Variants in GANC observed in about 807,000 individuals in gnomAD.
GANC encodes glucosidase alpha, neutral C.
A neutral mutation model predicts 124.2 loss-of-function variants in GANC; 117 were observed. The ratio of observed to expected loss-of-function variants is 0.94; its 90% CI spans 0.81 to 1.10. The LOEUF is 1.10. Ranked by LOEUF, GANC falls within the 50% of genes least tolerant of loss-of-function variation. The pLI, the probability that GANC is intolerant of heterozygous loss-of-function variation, is 0.00. For synonymous variants in GANC, 377 were observed against 376.8 expected, an observed-to-expected ratio of 1.00 and a Z score of -0.01; for missense variants, 1,140 against 1,095.0, an observed-to-expected ratio of 1.04 and a Z score of -0.58.
intron 4 of GANC, 34 bp downstream of exon 4, chr15:42,287,852 C>T (rs1279038213): frequency 1.9e-6 from 3 of 1,585,982 alleles, no homozygotes; most frequent in Non-Finnish European, 1.7e-6. Context: ...TAGAGACACG[C>T]TTGATATATT....
chr15:42,310,304 T>C lies in GANC; in HGVS notation c.744T>C (p.Leu248=). The change falls in exon 9 of 24, where the codon CTT becomes CTC. Residue 248 remains leucine (L), a synonymous_variant. Transcript: ENST00000318010. The part of the protein sequence containing the change: ...KNTGDGDAYR[L]YNLDVYGYQI... The stretch of plus-strand genomic sequence containing the variant: ...TCAGTGATGGAGATGCTTACCGTCT[T>C]TATAACCTGGATGTCTATGGATACC... The C allele has an allele frequency of 6.2e-7, 1 of 1,607,318 alleles. No homozygotes were observed. The highest frequency in any genetic ancestry group is 8.5e-7 in the Non-Finnish European group (1 of 1,176,322).
intron 10 of GANC, 92 bp from the exon 11 acceptor site, chr15:42,321,693 C>A: frequency 9.1e-7 from 1 of 1,094,734 alleles, no homozygotes. Flanking sequence ...AAGCTCAGTG[C>A]TGAATACTCT....
intron 10 of GANC, among the ~76,000 whole-genome samples, chr15:42,315,338 A>T (rs4924665): frequency 0.91 from 138,487 of 152,226 alleles, 64,356 homozygotes; most frequent in Non-Finnish European, 1. Context: ...CAAAGGATTT[A>T]AAGAGATAGT....
chr15:42,327,188 T>C (rs185229904), intron 12 of GANC, among the ~76,000 whole-genome samples, 175 bp from the exon 13 acceptor site: 91 of 152,374 alleles, frequency 6.0e-4, no homozygotes, highest in African/African-American at 2.0e-3. Flanking sequence ...TGATTGTCAC[T>C]GGAGCCCAGC....
intron 4 of GANC, among the ~76,000 whole-genome samples, chr15:42,291,110 C>T (rs1281586581): frequency 2.6e-5 from 4 of 151,876 alleles, no homozygotes; most frequent in Non-Finnish European, 4.4e-5. Flanking sequence ...CAGTCAAACC[C>T]GGGGGAGAAG....
Position 42,287,710 on chromosome 15 carries a change from T to C in GANC, c.221T>C (p.Ile74Thr). ...TTCCAGGTTCCTCTCCTGGCTGAAA[T>C]TTATGGTATAGAAGGAAACATTTTC... The part of the protein sequence containing the change: ...EASKVPLLAE[I>T]YGIEGNIFRL... The change falls in exon 4 of 24, where the codon ATT becomes ACT. Residue 74 changes from isoleucine to threonine, a missense_variant. Transcript: ENST00000318010. The C allele has an allele frequency of 6.2e-7, 1 of 1,611,838 alleles. No individual in the cohort carries two copies. Among genetic ancestry groups the C allele is most frequent in the Non-Finnish European group, 8.5e-7 (1 of 1,179,160 alleles).
intron 6 of GANC, among the ~76,000 whole-genome samples, chr15:42,302,300 G>A (rs760959327): frequency 6.6e-6 from 1 of 152,220 alleles, no homozygotes; most frequent in Non-Finnish European, 1.5e-5. Flanking sequence ...GAAAGGAATA[G>A]CATCAACATC....
At chr15:42,302,310 C>T (rs2051952985) in intron 6 of GANC, among the ~76,000 whole-genome samples, 1 of 152,152 alleles carries the variant, frequency 6.6e-6, no homozygotes, top group Admixed American at 6.5e-5. Context: ...GCATCAACAT[C>T]AACAAAAAGG....
chr15:42,273,283 CG>C lies in GANC; in HGVS notation c.-1197del. 6.2e-7 allele frequency: 1 copy of C among 1,614,098 alleles called. No homozygotes were observed. Among genetic ancestry groups the C allele is most frequent in the South Asian group, 1.1e-5 (1 of 91,074 alleles). ...CGGTATCGGAATGTGCCATTTGGACCGGTCGGCAGCAGCTACGGTTGCCGGT... is the reference window on the plus strand; with the variant it reads ...CGGTATCGGAATGTGCCATTTGGACCGTCGGCAGCAGCTACGGTTGCCGGT... On this transcript the variant is annotated 5_prime_UTR_variant, in exon 1 of 24. It introduces an in-frame stop codon into an upstream open reading frame of the 5' UTR. Transcript: ENST00000318010.
At chr15:42,313,800 G>T (rs1477223845) in intron 10 of GANC, 10 of 474,238 alleles carry the variant, frequency 2.1e-5, no homozygotes, top group Non-Finnish European at 3.4e-5. Context: ...GGGCACAGTG[G>T]CTCACGCCTG....
rs747324489 is a variant in GANC, at chr15:42,352,027, T to C, written c.2636-3T>C. On this transcript the variant is annotated splice_region_variant and splice_polypyrimidine_tract_variant and intron_variant, in intron 23 of 23. Transcript: ENST00000318010. ...TTCCCTCTTTTATTGTCTTGCTATT[T>C]AGATGGTAAAGATCAGCCTGTGGCT... The C allele has an allele frequency of 6.2e-7, 1 of 1,614,090 alleles. No individual in the cohort carries two copies. The highest frequency in any genetic ancestry group is 8.5e-7 in the Non-Finnish European group (1 of 1,179,964).
Position 42,352,798 on chromosome 15 carries a change from C to T in GANC, c.*659C>T. 3.7e-6 allele frequency: 3 copies of T among 815,970 alleles called. No homozygotes were observed. The highest frequency in any genetic ancestry group is 4.4e-6 in the Non-Finnish European group (3 of 675,496). 50.5% of individuals were successfully genotyped at this position (815,970 alleles called of 1,614,324 possible). A position where few individuals can be genotyped will look rare whatever the true frequency, so the allele number is the denominator to read the frequency against. On this transcript the variant is annotated 3_prime_UTR_variant, in exon 24 of 24. Coordinates refer to ENST00000318010, the MANE Select transcript of GANC (RefSeq NM_198141.3). Reference sequence around the variant, plus strand: ...TGTTTTTTTAATTAAGTGCTGTTTACTAACCAAATAATATTTATAACATGA... The same window carrying T: ...TGTTTTTTTAATTAAGTGCTGTTTATTAACCAAATAATATTTATAACATGA...
rs1411304048 is a variant in GANC, at chr15:42,343,067, C to T, written c.2153-11C>T. ...AATGATACTCAACTTTATTTCCTCT[C>T]CATTACTTAGGGAGTGCATTATTGG... is the stretch of plus-strand genomic sequence containing the variant. On this transcript the variant is annotated splice_polypyrimidine_tract_variant and intron_variant, in intron 18 of 23. Coordinates refer to ENST00000318010, the MANE Select transcript of GANC (RefSeq NM_198141.3). 8 of 1,610,070 alleles carry T rather than the reference C, an allele frequency of 5.0e-6. No individual in the cohort carries two copies. Among genetic ancestry groups the T allele is most frequent in the Non-Finnish European group, 6.8e-6 (8 of 1,176,458 alleles).
intron 14 of GANC, among the ~76,000 whole-genome samples, chr15:42,329,716 A>G (rs1232089519): frequency 6.6e-6 from 1 of 152,204 alleles, no homozygotes; most frequent in Non-Finnish European, 1.5e-5. Context: ...GATAGGAGCC[A>G]TTAATAAGTG....
chr15:42,352,503 A>G lies in GANC; in HGVS notation c.*364A>G. 9.5e-7 allele frequency: 1 copy of G among 1,051,962 alleles called. No individual in the cohort carries two copies. Among genetic ancestry groups the G allele is most frequent in the South Asian group, 3.3e-5 (1 of 30,486 alleles). 65.2% of individuals were successfully genotyped at this position (1,051,962 alleles called of 1,614,324 possible). A position where few individuals can be genotyped will look rare whatever the true frequency, so the allele number is the denominator to read the frequency against. Reference sequence around the variant, plus strand: ...CAGCCCATTTGCCAGGGCTTGCCTCAGGCCATGCAGCATTGGCGCTCTGGC... The same window carrying G: ...CAGCCCATTTGCCAGGGCTTGCCTCGGGCCATGCAGCATTGGCGCTCTGGC... On this transcript the variant is annotated 3_prime_UTR_variant, in exon 24 of 24. Transcript: ENST00000318010.
rs559445603 is a variant in GANC at position 42,318,876 on chromosome 15, G to A, written c.1058-2909G>A. ...AGTGCTTTACAGGGATTACAGGTGT[G>A]AGCCACCATGCCTGGCCCTAGGTCT... is the stretch of plus-strand genomic sequence containing the variant. On this transcript the variant is annotated intron_variant, in intron 10 of 23. Transcript: ENST00000318010. 3.7e-4 allele frequency among the ~76,000 whole-genome samples: 56 copies of A among 152,286 alleles called. 1 individual carries two copies. The highest frequency in any genetic ancestry group is 1.3e-3 in the African/African-American group (55 of 41,556).
intron 5 of GANC, among the ~76,000 whole-genome samples, chr15:42,297,313 A>G (rs1375113798): frequency 6.6e-6 from 1 of 152,210 alleles, no homozygotes; most frequent in Non-Finnish European, 1.5e-5. Context: ...GTCCAATTTT[A>G]TAAACTCATT....
chr15:42,273,327 C>T lies in GANC; in HGVS notation c.-1155C>T, dbSNP rs756203231. 2.5e-6 allele frequency: 4 copies of T among 1,614,162 alleles called. No homozygotes were observed. In the South Asian group the frequency reaches 4.4e-5, roughly 18 times the overall value. On this transcript the variant is annotated 5_prime_UTR_variant, in exon 1 of 24. Coordinates refer to ENST00000318010, the MANE Select transcript of GANC (RefSeq NM_198141.3). The stretch of plus-strand genomic sequence containing the variant: ...TTGCCGGTCCCGCACTGAAAAACGA[C>T]AGTGGTGACGGGTGAGCTCCCAGAA...
At chr15:42,340,063 C>A in intron 17 of GANC, 151 bp downstream of exon 17, 1 of 1,057,826 alleles carries the variant, frequency 9.5e-7, no homozygotes, top group Non-Finnish European at 1.3e-6. Flanking sequence ...TATTGAGCAG[C>A]GCGGTGAACA....
Sources: gnomAD v4.1 joint callset for allele counts (sites outside exome capture counted in the v4.1 genomes callset) on GRCh38, gnomAD v4.1.1 for gene constraint, MANE v1.5 for transcripts, NCBI Gene and HGNC (gene_info 2026-07-23, HGNC 2026-07-21) for gene names.